UFSP1: variants seen among roughly 807,000 people sequenced by gnomAD.
The protein encoded by UFSP1 is ufm1-specific protease 1.
For missense variants in UFSP1, 261 were observed against 182.7 expected (o/e 1.43, Z -2.47); for synonymous variants, 119 against 77.6 (o/e 1.53, Z -2.81).
In UFSP1 at chr7:100,889,230, C is replaced by T; in HGVS notation, c.42G>A (p.Trp14Ter). ...AGAGGCTGGCCTCCACGCAGCCGAT[C>T]CAGTCCCGGGAGCCCCGGAAGCCGG... The change falls in exon 1 of 1, where the codon TGG (tryptophan) becomes TGA (stop). Residue 14 changes from tryptophan to a stop codon, truncating the protein, a stop_gained. Coordinates refer to ENST00000388761, the MANE Select transcript of UFSP1 (RefSeq NM_001015072.4). LOFTEE classifies it low-confidence loss of function (END_TRUNC). 6.3e-7 allele frequency: 1 copy of T among 1,578,788 alleles called. No homozygotes were observed. Among genetic ancestry groups the T allele is most frequent in the Non-Finnish European group, 8.6e-7 (1 of 1,163,610 alleles).
At position 100,889,391 on chromosome 7, in the gene UFSP1, C is replaced by T. The variant is rs1790490815; in HGVS notation, c.-120G>A. ...CAGCCCCAGCCGCGGTCGTCCAGGC[C>T]GTCGCAGCCGTAGTGGTAGTAGAGG... On this transcript the variant is annotated 5_prime_UTR_variant, in exon 1 of 1. Coordinates refer to ENST00000388761, the MANE Select transcript of UFSP1 (RefSeq NM_001015072.4). The T allele has an allele frequency of 3.5e-6, 3 of 854,174 alleles. No individual in the cohort carries two copies. Among genetic ancestry groups the T allele is most frequent in the Non-Finnish European group, 5.2e-6 (3 of 577,516 alleles). 52.9% of individuals were successfully genotyped at this position (854,174 alleles called of 1,614,324 possible).
Position 100,888,899 on chromosome 7 carries a change from A to G in UFSP1, c.373T>C (p.Tyr125His), listed in dbSNP as rs147752098. Residue 125 changes from tyrosine to histidine, a missense_variant, in exon 1 of 1, where the codon TAC becomes CAC. Transcript: ENST00000388761. ...CTAAGGCTGGTCAAGCACAGGTTGT[A>G]GAAGGAGTTGGGGTCAAAGGCTGCA... 14 of 1,613,964 alleles carry G rather than the reference A, an allele frequency of 8.7e-6. No individual in the cohort carries two copies. The highest frequency in any genetic ancestry group is 1.2e-5 in the Non-Finnish European group (14 of 1,179,990).
At position 100,889,227 on chromosome 7, in the gene UFSP1, G is replaced by A. The variant is rs1790482880; in HGVS notation, c.45C>T (p.Ile15=). Residue 15 remains isoleucine (I), a synonymous_variant, in exon 1 of 1, where the codon ATC becomes ATT. Transcript: ENST00000388761. ...GGCAGAGGCTGGCCTCCACGCAGCC[G>A]ATCCAGTCCCGGGAGCCCCGGAAGC... The A allele has an allele frequency of 1.3e-6, 2 of 1,580,264 alleles. No individual in the cohort carries two copies. The highest frequency in any genetic ancestry group is 1.7e-6 in the Non-Finnish European group (2 of 1,164,468).
chr7:100,889,003 A>C lies in UFSP1; in HGVS notation c.269T>G (p.Leu90Trp), dbSNP rs747858493. 6.2e-7 allele frequency: 1 copy of C among 1,614,148 alleles called. No homozygotes were observed. The highest frequency in any genetic ancestry group is 1.1e-5 in the South Asian group (1 of 91,090). The change falls in exon 1 of 1, where the codon TTG becomes TGG. Residue 90 changes from leucine (L) to tryptophan (W), a missense_variant. Coordinates refer to ENST00000388761, the MANE Select transcript of UFSP1 (RefSeq NM_001015072.4). ...TGGAGTGCCCCAGTAGTGAGGGTCCAATACCAGGACATAGGCTTCCGTGCC... is the reference window on the plus strand; with the variant it reads ...TGGAGTGCCCCAGTAGTGAGGGTCCCATACCAGGACATAGGCTTCCGTGCC...
At position 100,889,041 on chromosome 7, in the gene UFSP1, G is replaced by A. The variant is rs1431576437; in HGVS notation, c.231C>T (p.Val77=). The change falls in exon 1 of 1, where the codon GTC becomes GTT. Residue 77 remains valine, a synonymous_variant. Coordinates refer to ENST00000388761, the MANE Select transcript of UFSP1 (RefSeq NM_001015072.4). ...AGGCTTCCGTGCCTGACCCTACGCA[G>A]ACTCCCAGCAAGGCCTTGGACCTGG... 6.2e-6 allele frequency: 10 copies of A among 1,614,056 alleles called. No homozygotes were observed. In the African/African-American group the frequency reaches 1.2e-4, roughly 19 times the overall value.
In UFSP1 at chr7:100,889,455, G is replaced by A. The variant is rs1467508810; in HGVS notation, c.-184C>T. Reference sequence around the variant, plus strand: ...GCAGCGCCAGGCGGACAGGGCCGCGGCTCGGCGGGGACAGGCCCACGTGGA... The same window carrying A: ...GCAGCGCCAGGCGGACAGGGCCGCGACTCGGCGGGGACAGGCCCACGTGGA... On this transcript the variant is annotated 5_prime_UTR_variant, in exon 1 of 1. Transcript: ENST00000388761. 3 of 556,648 alleles carry A rather than the reference G, an allele frequency of 5.4e-6. No homozygotes were observed. Among genetic ancestry groups the A allele is most frequent in the African/African-American group, 2.0e-5 (1 of 49,954 alleles). 34.5% of individuals were successfully genotyped at this position (556,648 alleles called of 1,614,324 possible).
Position 100,889,513 on chromosome 7 carries a change from A to G in UFSP1, c.-242T>C, listed in dbSNP as rs1165968256. On this transcript the variant is annotated 5_prime_UTR_variant, in exon 1 of 1. Transcript: ENST00000388761. Reference sequence around the variant, plus strand: ...CAGCGGCTCCAGGGCGGTGGGCGGGAGCGGAGGTCCCAGGCCAGGCACAGC... The same window carrying G: ...CAGCGGCTCCAGGGCGGTGGGCGGGGGCGGAGGTCCCAGGCCAGGCACAGC... 6.6e-6 allele frequency: 3 copies of G among 456,866 alleles called. No homozygotes were observed. The highest frequency in any genetic ancestry group is 1.2e-5 in the Non-Finnish European group (3 of 257,452). 28.3% of individuals were successfully genotyped at this position (456,866 alleles called of 1,614,324 possible). A position where few individuals can be genotyped will look rare whatever the true frequency, so the allele number is the denominator to read the frequency against.
At position 100,889,413 on chromosome 7, in the gene UFSP1, G is replaced by A; in HGVS notation, c.-142C>T. 1.4e-6 allele frequency: 1 copy of A among 709,938 alleles called. No individual in the cohort carries two copies. Among genetic ancestry groups the A allele is most frequent in the Non-Finnish European group, 2.2e-6 (1 of 450,260 alleles). 44.0% of individuals were successfully genotyped at this position (709,938 alleles called of 1,614,324 possible). On this transcript the variant is annotated 5_prime_UTR_variant, in exon 1 of 1. Transcript: ENST00000388761. ...GGCCGTCGCAGCCGTAGTGGTAGTA[G>A]AGGTAGTGGCCCGAGAGCAGCGCCA...
In UFSP1 at chr7:100,889,257, G is replaced by A. The variant is rs531395501; in HGVS notation, c.15C>T (p.Pro5=). Residue 5 remains proline (P), a synonymous_variant, in exon 1 of 1, where the codon CCC becomes CCT. Transcript: ENST00000388761. ...AGTCCCGGGAGCCCCGGAAGCCGGG[G>A]GGCTTGTCGCCCATGTCCTCCAGGG... 4.8e-5 allele frequency: 74 copies of A among 1,538,388 alleles called. 1 individual carries two copies. In the Admixed American group the frequency reaches 9.9e-4, roughly 20 times the overall value.
chr7:100,889,607 T>G lies in UFSP1; in HGVS notation c.-336A>C, dbSNP rs1192348806. ...TTTCGGCTCCGGGTCTTGGGCCAGC[T>G]GCCGCAGGACCGGCGCGCAGACTGG... On this transcript the variant is annotated 5_prime_UTR_variant, in exon 1 of 1. Transcript: ENST00000388761. The G allele has an allele frequency of 3.2e-6, 1 of 315,674 alleles. No individual in the cohort carries two copies. The highest frequency in any genetic ancestry group is 6.0e-6 in the Non-Finnish European group (1 of 167,676). 19.6% of individuals were successfully genotyped at this position (315,674 alleles called of 1,614,324 possible). A position where few individuals can be genotyped will look rare whatever the true frequency, so the allele number is the denominator to read the frequency against.
Position 100,889,293 on chromosome 7 carries a change from G to A in UFSP1, c.-22C>T. ...CCATGTCCTCCAGGGCCGCCTGTAC[G>A]GCGGCCAGTCCAGGTACGCCCGCGG... On this transcript the variant is annotated 5_prime_UTR_variant, in exon 1 of 1. Transcript: ENST00000388761. The A allele has an allele frequency of 2.0e-6, 3 of 1,490,616 alleles. No homozygotes were observed. Among genetic ancestry groups the A allele is most frequent in the Non-Finnish European group, 2.7e-6 (3 of 1,127,942 alleles). 92.3% of individuals were successfully genotyped at this position (1,490,616 alleles called of 1,614,324 possible).
chr7:100,888,784 G>C lies in UFSP1; in HGVS notation c.*59C>G. On this transcript the variant is annotated 3_prime_UTR_variant, in exon 1 of 1. Transcript: ENST00000388761. The stretch of plus-strand genomic sequence containing the variant: ...AGCGCCAGGCTTTGCAGGGACACCA[G>C]TGGGAGGTACATAGGTGCGTGTCTG... The C allele has an allele frequency of 6.4e-7, 1 of 1,565,858 alleles. No homozygotes were observed. Among genetic ancestry groups the C allele is most frequent in the Non-Finnish European group, 8.7e-7 (1 of 1,152,140 alleles).
Position 100,889,482 on chromosome 7 carries a change from G to GT in UFSP1, c.-212dup, listed in dbSNP as rs1790495114. On this transcript the variant is annotated 5_prime_UTR_variant, in exon 1 of 1. Coordinates refer to ENST00000388761, the MANE Select transcript of UFSP1 (RefSeq NM_001015072.4). ...TCGGCGGGGACAGGCCCACGTGGAC[G>GT]TCCCTCAGCGGCTCCAGGGCGGTGG... 2.0e-6 allele frequency: 1 copy of GT among 493,856 alleles called. No individual in the cohort carries two copies. The highest frequency in any genetic ancestry group is 3.5e-6 in the Non-Finnish European group (1 of 282,078). The allele number at this position is 493,856 out of a possible 1,614,324, so 30.6% of individuals were successfully genotyped here. A position where few individuals can be genotyped will look rare whatever the true frequency, so the allele number is the denominator to read the frequency against.
In UFSP1 at chr7:100,889,068, A is replaced by G; in HGVS notation, c.204T>C (p.Asp68=). The G allele has an allele frequency of 6.2e-7, 1 of 1,613,998 alleles. No homozygotes were observed. Among genetic ancestry groups the G allele is most frequent in the Non-Finnish European group, 8.5e-7 (1 of 1,179,978 alleles). The change falls in exon 1 of 1, where the codon GAT becomes GAC. Residue 68 remains aspartate (D), a synonymous_variant. Transcript: ENST00000388761. ...CTCCCAGCAAGGCCTTGGACCTGGC[A>G]TCTGCGTCCCCCCCAACCATGACTG...
In UFSP1 at chr7:100,888,832, T is replaced by C. The variant is rs1198532110; in HGVS notation, c.*11A>G. The stretch of plus-strand genomic sequence containing the variant: ...CTGGGACCCGAGAATCTCAGTTCTG[T>C]AACTTCGTCCTCAGTCCAAGGTGCG... On this transcript the variant is annotated 3_prime_UTR_variant, in exon 1 of 1. Coordinates refer to ENST00000388761, the MANE Select transcript of UFSP1 (RefSeq NM_001015072.4). 2 of 1,594,108 alleles carry C rather than the reference T, an allele frequency of 1.3e-6. No homozygotes were observed. The highest frequency in any genetic ancestry group is 2.3e-5 in the South Asian group (2 of 88,732).
chr7:100,888,791 G>A lies in UFSP1; in HGVS notation c.*52C>T. ...GGCTTTGCAGGGACACCAGTGGGAG[G>A]TACATAGGTGCGTGTCTGGGACCCG... On this transcript the variant is annotated 3_prime_UTR_variant, in exon 1 of 1. Transcript: ENST00000388761. 2 of 1,571,902 alleles carry A rather than the reference G, an allele frequency of 1.3e-6. No individual in the cohort carries two copies. Among genetic ancestry groups the A allele is most frequent in the South Asian group, 1.2e-5 (1 of 84,564 alleles).
In UFSP1 at chr7:100,888,744, A is replaced by G. The variant is rs559996179; in HGVS notation, c.*99T>C. On this transcript the variant is annotated 3_prime_UTR_variant, in exon 1 of 1. Transcript: ENST00000388761. ...GGTGTTGCTCAGCCCTGCCACTTTT[A>G]TTATTGATGTCAAAAGCGCCAGGCT... 7 of 1,507,432 alleles carry G rather than the reference A, an allele frequency of 4.6e-6. No homozygotes were observed. The highest frequency in any genetic ancestry group is 2.4e-5 in the South Asian group (2 of 84,590). 93.4% of individuals were successfully genotyped at this position (1,507,432 alleles called of 1,614,324 possible).
Position 100,889,494 on chromosome 7 carries a change from C to T in UFSP1, c.-223G>A. 8.4e-6 allele frequency: 4 copies of T among 473,880 alleles called. No individual in the cohort carries two copies. The highest frequency in any genetic ancestry group is 1.5e-5 in the Non-Finnish European group (4 of 269,060). The allele number at this position is 473,880 out of a possible 1,614,324, so 29.4% of individuals were successfully genotyped here. On this transcript the variant is annotated 5_prime_UTR_variant, in exon 1 of 1. Transcript: ENST00000388761. ...GGCCCACGTGGACGTCCCTCAGCGGCTCCAGGGCGGTGGGCGGGAGCGGAG... is the reference window on the plus strand; with the variant it reads ...GGCCCACGTGGACGTCCCTCAGCGGTTCCAGGGCGGTGGGCGGGAGCGGAG...
In UFSP1 at chr7:100,889,507, G is replaced by A. The variant is rs996914252; in HGVS notation, c.-236C>T. On this transcript the variant is annotated 5_prime_UTR_variant, in exon 1 of 1. Transcript: ENST00000388761. Reference sequence around the variant, plus strand: ...GTCCCTCAGCGGCTCCAGGGCGGTGGGCGGGAGCGGAGGTCCCAGGCCAGG... The same window carrying A: ...GTCCCTCAGCGGCTCCAGGGCGGTGAGCGGGAGCGGAGGTCCCAGGCCAGG... 2 of 461,290 alleles carry A rather than the reference G, an allele frequency of 4.3e-6. No homozygotes were observed. Among genetic ancestry groups the A allele is most frequent in the Non-Finnish European group, 7.7e-6 (2 of 260,454 alleles). The allele number at this position is 461,290 out of a possible 1,614,324, so 28.6% of individuals were successfully genotyped here. A position where few individuals can be genotyped will look rare whatever the true frequency, so the allele number is the denominator to read the frequency against.
Sources: allele counts gnomAD v4.1 joint callset, GRCh38; gene constraint gnomAD v4.1.1; transcripts MANE v1.5; gene names NCBI Gene and HGNC (gene_info 2026-07-23, HGNC 2026-07-21).